MARCHF1: variants seen among roughly 807,000 people sequenced by gnomAD.
MARCHF1 encodes the protein membrane associated ring-CH-type finger 1, also known as E3 ubiquitin-protein ligase MARCHF1.
In MARCHF1, 40 loss-of-function variants were observed where a neutral mutation model predicts 54.2. The observed-to-expected ratio is 0.74, with a 90% CI of 0.57 to 0.96. The LOEUF (loss-of-function observed/expected upper bound fraction) is 0.96. Ranked by LOEUF, MARCHF1 falls within the 40% of genes least tolerant of loss-of-function variation. MARCHF1 has a pLI of 0.00. For synonymous variants in MARCHF1, 236 were observed against 236.3 expected (o/e 1.00, Z 0.01); for missense variants, 586 against 656.5 (o/e 0.89, Z 1.17).
chr4:163,817,309 A>G (rs1748561998), intron 4 of MARCHF1, among the ~76,000 whole-genome samples: 1 of 150,132 alleles, frequency 6.7e-6, no homozygotes, highest in Non-Finnish European at 1.5e-5. Context: ...ATACATACAT[A>G]TATATGTACA....
intron 1 of MARCHF1, among the ~76,000 whole-genome samples, chr4:164,281,261 T>C (rs777937263): frequency 2.6e-5 from 4 of 152,158 alleles, no homozygotes; most frequent in Non-Finnish European, 4.4e-5. Context: ...ATGCTACAAA[T>C]ACATACTGAA....
chr4:163,663,063 T>G (rs1260272131), intron 5 of MARCHF1, among the ~76,000 whole-genome samples: 1 of 152,040 alleles, frequency 6.6e-6, no homozygotes, highest in Non-Finnish European at 1.5e-5. Flanking sequence ...GAGTGTAATA[T>G]AAGTCTGTGA....
At chr4:163,876,982 A>G (rs1360720547) in intron 3 of MARCHF1, among the ~76,000 whole-genome samples, 2 of 152,152 alleles carry the variant, frequency 1.3e-5, no homozygotes, top group East Asian at 3.8e-4. Context: ...TCAATCATAA[A>G]TGTAATTATA....
chr4:163,829,012 CAG>C (rs1403150543), intron 4 of MARCHF1: 2 of 152,168 alleles, frequency 1.3e-5, no homozygotes, highest in Non-Finnish European at 2.9e-5. Flanking sequence ...TCACGAGGGG[CAG>C]AGTTAGGGAA....
chr4:163,829,502 A>G lies in MARCHF1; in HGVS notation c.111+24519T>C, dbSNP rs75013377. ...ATATATGCCAATTTAAGTCACCCACAGAGCAAGAAACGTCAAAATTCAGGA... is the reference window on the plus strand; with the variant it reads ...ATATATGCCAATTTAAGTCACCCACGGAGCAAGAAACGTCAAAATTCAGGA... On this transcript the variant is annotated intron_variant, in intron 4 of 9. Coordinates refer to ENST00000514618, the MANE Select transcript of MARCHF1 (RefSeq NM_001394959.1). Among the ~76,000 whole-genome samples, 1,488 of 152,294 alleles carry G rather than the reference A, an allele frequency of 9.8e-3. 14 individuals are homozygous for G. Among genetic ancestry groups the G allele is most frequent in the Non-Finnish European group, 0.015 (1,046 of 68,032 alleles).
chr4:164,311,909 G>C (rs1734858723), intron 1 of MARCHF1, among the ~76,000 whole-genome samples: 1 of 152,000 alleles, frequency 6.6e-6, no homozygotes, highest in Non-Finnish European at 1.5e-5. Context: ...TTAATGTTTT[G>C]AACGATTCTC....
intron 3 of MARCHF1, among the ~76,000 whole-genome samples, chr4:163,958,030 C>T (rs1752265663): frequency 6.6e-6 from 1 of 152,026 alleles, no homozygotes; most frequent in Non-Finnish European, 1.5e-5. Flanking sequence ...AAAGACTCTT[C>T]ATATCTGTTC....
chr4:164,381,120 T>C (rs1731356625), intron 1 of MARCHF1, among the ~76,000 whole-genome samples: 2 of 152,196 alleles, frequency 1.3e-5, no homozygotes, highest in African/African-American at 2.4e-5. Context: ...TCGGTGACCT[T>C]GGAACATCAC....
chr4:164,345,573 CATAATAATAATAATAATAATA>C (rs5863679), intron 1 of MARCHF1, among the ~76,000 whole-genome samples: 8 of 143,390 alleles, frequency 5.6e-5, no homozygotes, highest in African/African-American at 1.3e-4. Flanking sequence ...CTGTCTCAAA[CATAATAATAATAATAATAATA>C]ATAATAATAA....
intron 1 of MARCHF1, among the ~76,000 whole-genome samples, chr4:164,231,489 A>G (rs570506586): frequency 5.1e-4 from 78 of 152,298 alleles, no homozygotes; most frequent in African/African-American, 1.8e-3. Flanking sequence ...TAAATTGTTC[A>G]TATTTTGAAA....
At chr4:164,072,353 A>T (rs541822213) in intron 2 of MARCHF1, among the ~76,000 whole-genome samples, 12 of 152,266 alleles carry the variant, frequency 7.9e-5, no homozygotes, top group African/African-American at 2.9e-4. Flanking sequence ...ATGGAGGCAG[A>T]GGTAGGTTCG....
chr4:163,687,416 T>C (rs539433038), intron 5 of MARCHF1, among the ~76,000 whole-genome samples: 31 of 152,126 alleles, frequency 2.0e-4, no homozygotes, highest in African/African-American at 5.8e-4. Context: ...TTAGTAGATA[T>C]GGGGTTTCAC....
intron 4 of MARCHF1, among the ~76,000 whole-genome samples, chr4:163,790,662 A>AT (rs1057184604): frequency 6.6e-6 from 1 of 152,096 alleles, no homozygotes; most frequent in African/African-American, 2.4e-5. Flanking sequence ...TATAAGCATA[A>AT]TTTTTTCACA....
chr4:164,332,764 A>G (rs1488495219), intron 1 of MARCHF1, among the ~76,000 whole-genome samples: 2 of 152,192 alleles, frequency 1.3e-5, no homozygotes, highest in African/African-American at 2.4e-5. Flanking sequence ...AATCAGCAAC[A>G]TAAGATTATA....
chr4:164,059,446 C>G (rs1324381049), intron 2 of MARCHF1, among the ~76,000 whole-genome samples: 1 of 152,036 alleles, frequency 6.6e-6, no homozygotes, highest in Non-Finnish European at 1.5e-5. Context: ...ATTAAGAGCT[C>G]TCATTAAAAA....
intron 4 of MARCHF1, among the ~76,000 whole-genome samples, chr4:163,816,381 G>GTT (rs11353332): frequency 6.7e-6 from 1 of 149,582 alleles, no homozygotes; most frequent in African/African-American, 2.5e-5. Context: ...ACCTTCTGGT[G>GTT]TTTTTTTTTT....
intron 9 of MARCHF1, among the ~76,000 whole-genome samples, chr4:163,539,619 C>T (rs2110895852): frequency 6.6e-6 from 1 of 152,276 alleles, no homozygotes; most frequent in Middle Eastern, 3.4e-3. Context: ...TCAAGGTAAG[C>T]TTCTCTCCAG....
intron 1 of MARCHF1, among the ~76,000 whole-genome samples, chr4:164,196,212 G>T (rs963443435): frequency 6.6e-6 from 1 of 152,042 alleles, no homozygotes; most frequent in Non-Finnish European, 1.5e-5. Context: ...AATAAAAAAT[G>T]TATAGATGCA....
chr4:164,376,699 T>C (rs1283743539), intron 1 of MARCHF1, among the ~76,000 whole-genome samples: 1 of 152,110 alleles, frequency 6.6e-6, no homozygotes, highest in Non-Finnish European at 1.5e-5. Flanking sequence ...CCTCCTCACT[T>C]CCAGGCTGCA....
Sources: gnomAD v4.1 joint callset for allele counts (sites outside exome capture counted in the v4.1 genomes callset) on GRCh38, gnomAD v4.1.1 for gene constraint, MANE v1.5 for transcripts, NCBI Gene and HGNC (gene_info 2026-07-23, HGNC 2026-07-21) for gene names.